The following PHACTR1 variants were observed in gnomAD, a reference collection of about 807,000 sequenced individuals.
PHACTR1 encodes the protein phosphatase and actin regulator 1, also known as RPEL repeat containing 1.
A neutral mutation model predicts 69.2 loss-of-function variants in PHACTR1; 16 were observed. That is an observed-to-expected ratio of 0.23 (90% confidence interval 0.16 to 0.35). The LOEUF is 0.35. PHACTR1 is among the 10% of genes least tolerant of loss of function. The probability of loss-of-function intolerance (pLI) is 1.00; values close to 1 mark genes in which losing one functional copy is unlikely to be tolerated. For synonymous variants in PHACTR1, 312 were observed against 284.5 expected, an observed-to-expected ratio of 1.10 and a Z score of -0.97; for missense variants, 510 against 734.7, an observed-to-expected ratio of 0.69 and a Z score of 3.54.
intron 5 of PHACTR1, among the ~76,000 whole-genome samples, chr6:13,155,661 G>A (rs1177319057): frequency 1.3e-5 from 2 of 152,256 alleles, no homozygotes; most frequent in Non-Finnish European, 2.9e-5. Flanking sequence ...AGGCCAAGGC[G>A]GGCAGATCAT....
chr6:13,136,046 A>C (rs1821494502), intron 5 of PHACTR1, among the ~76,000 whole-genome samples: 1 of 152,170 alleles, frequency 6.6e-6, no homozygotes, highest in Admixed American at 6.5e-5. Flanking sequence ...TAAAAGTGAG[A>C]TTATAGCTGC....
chr6:12,928,549 G>A (rs892203962), intron 4 of PHACTR1, among the ~76,000 whole-genome samples: 1 of 152,330 alleles, frequency 6.6e-6, no homozygotes, highest in African/African-American at 2.4e-5. Flanking sequence ...AGTTCACAGA[G>A]TATTTGCATC....
At chr6:13,089,185 C>T (rs1812802598) in intron 5 of PHACTR1, among the ~76,000 whole-genome samples, 1 of 152,180 alleles carries the variant, frequency 6.6e-6, no homozygotes, top group Non-Finnish European at 1.5e-5. Flanking sequence ...TCTTCCTGCC[C>T]TGGGCCCATC....
chr6:12,996,282 A>C (rs918955835), intron 4 of PHACTR1, among the ~76,000 whole-genome samples: 7 of 152,178 alleles, frequency 4.6e-5, no homozygotes, highest in Non-Finnish European at 1.0e-4. Context: ...AAAGAAAACA[A>C]AAACTTTCTT....
chr6:12,745,914 C>T (rs1287226638), intron 3 of PHACTR1, among the ~76,000 whole-genome samples: 1 of 152,130 alleles, frequency 6.6e-6, no homozygotes. Flanking sequence ...GTGGCACCCA[C>T]CATCTTGATG....
At chr6:13,210,848 G>C (rs1766703458) in intron 8 of PHACTR1, among the ~76,000 whole-genome samples, 1 of 148,682 alleles carries the variant, frequency 6.7e-6, no homozygotes, top group Non-Finnish European at 1.5e-5. Flanking sequence ...CCTCAAATTA[G>C]ATTATCTTCA....
intron 4 of PHACTR1, among the ~76,000 whole-genome samples, chr6:13,001,920 T>C (rs2127625050): frequency 6.6e-6 from 1 of 152,364 alleles, no homozygotes; most frequent in South Asian, 2.1e-4. Flanking sequence ...ATATGGATAG[T>C]AGTATCAACC....
Position 13,229,641 on chromosome 6 carries a change from C to T in PHACTR1, c.1235-396C>T, listed in dbSNP as rs566740755. Among the ~76,000 whole-genome samples, 3 of 152,308 alleles carry T rather than the reference C, an allele frequency of 2.0e-5. No homozygotes were observed. In the East Asian group the frequency reaches 5.8e-4, roughly 29 times the overall value. On this transcript the variant is annotated intron_variant, in intron 9 of 14. Transcript: ENST00000332995. ...GACACAGATCCCCGCCCACCTGCTG[C>T]CTGTTGGACTCTCATCTCTGCTTCA...
chr6:13,209,763 A>C (rs1436047623), intron 8 of PHACTR1, among the ~76,000 whole-genome samples: 1 of 152,192 alleles, frequency 6.6e-6, no homozygotes, highest in African/African-American at 2.4e-5. Context: ...AGCCTGCTTC[A>C]TTGTCAAGAA....
intron 5 of PHACTR1, 59 bp downstream of exon 5, chr6:13,053,588 CT>C: frequency 6.5e-7 from 1 of 1,550,030 alleles, no homozygotes; most frequent in South Asian, 1.2e-5. Flanking sequence ...ACTCTATTAT[CT>C]TAACAGAATT....
chr6:13,030,220 C>T (rs879658502), intron 4 of PHACTR1, among the ~76,000 whole-genome samples: 45 of 105,224 alleles, frequency 4.3e-4, no homozygotes, highest in Non-Finnish European at 7.3e-4. Context: ...GTGCAACAGA[C>T]GTTTTATTTG....
chr6:12,798,306 C>G (rs1773318902), intron 4 of PHACTR1, among the ~76,000 whole-genome samples: 1 of 152,062 alleles, frequency 6.6e-6, no homozygotes, highest in African/African-American at 2.4e-5. Flanking sequence ...GGGGAGATCT[C>G]TCCAATATAA....
intron 4 of PHACTR1, among the ~76,000 whole-genome samples, chr6:12,797,040 T>TGTGTGTGTGTGTGTGAGAGA (rs563796658): frequency 4.5e-5 from 6 of 133,394 alleles, no homozygotes; most frequent in African/African-American, 1.7e-4. Flanking sequence ...TGTGTGTGTG[T>TGTGTGTGTGTGTGTGAGAGA]GAGAGAGAGA....
chr6:13,190,371 A>G (rs1763408059), intron 7 of PHACTR1, among the ~76,000 whole-genome samples: 1 of 151,700 alleles, frequency 6.6e-6, no homozygotes, highest in Middle Eastern at 3.4e-3. Flanking sequence ...ATCTTATCAT[A>G]TTAGGGTTCC....
intron 4 of PHACTR1, among the ~76,000 whole-genome samples, chr6:12,762,906 C>G (rs145389880): frequency 6.6e-6 from 1 of 152,140 alleles, no homozygotes; most frequent in African/African-American, 2.4e-5. Context: ...AACCACGTCA[C>G]GACTTGTTTC....
intron 5 of PHACTR1, among the ~76,000 whole-genome samples, chr6:13,103,129 A>G (rs1284851659): frequency 3.3e-5 from 5 of 152,254 alleles, no homozygotes; most frequent in Admixed American, 2.0e-4. Flanking sequence ...GTTTGTCGCA[A>G]ATGTGGCTTG....
At position 12,749,667 on chromosome 6, in the gene PHACTR1, C is replaced by G; in HGVS notation, c.127C>G (p.Pro43Ala). ...AQARRATLLLPPTLMAASSED... is the reference protein window; with the variant it reads ...AQARRATLLLAPTLMAASSED... ...AGCTCGCCGGGCGACCCTGCTCCTGCCTCCCACATTAATGGCGGCATCCTC... is the reference window on the plus strand; with the variant it reads ...AGCTCGCCGGGCGACCCTGCTCCTGGCTCCCACATTAATGGCGGCATCCTC... The change falls in exon 4 of 15, where the codon CCT becomes GCT. Residue 43 changes from proline (P) to alanine (A), a missense_variant. Physicochemically the swap from Pro to Ala is conservative, Grantham distance 27. This residue lies in a region of PHACTR1 where 419 missense variants were observed against 530.9 expected (regional missense o/e 0.79). Coordinates refer to ENST00000332995, the MANE Select transcript of PHACTR1 (RefSeq NM_030948.6). 6.2e-7 allele frequency: 1 copy of G among 1,611,726 alleles called. No individual in the cohort carries two copies. The highest frequency in any genetic ancestry group is 8.5e-7 in the Non-Finnish European group (1 of 1,179,416).
chr6:13,055,202 A>G (rs1806583579), intron 5 of PHACTR1, among the ~76,000 whole-genome samples: 1 of 152,168 alleles, frequency 6.6e-6, no homozygotes. Flanking sequence ...ATAAGAATGA[A>G]TCTCTGAATT....
At chr6:13,107,387 T>A (rs915688344) in intron 5 of PHACTR1, among the ~76,000 whole-genome samples, 3 of 152,200 alleles carry the variant, frequency 2.0e-5, no homozygotes, top group African/African-American at 7.2e-5. Context: ...GCTGGGATTA[T>A]AGGTGTGAGC....
Sources: gnomAD v4.1 joint callset for allele counts (sites outside exome capture counted in the v4.1 genomes callset) on GRCh38, gnomAD v4.1.1 for gene constraint, gnomAD v4.1.1 regional missense constraint, MANE v1.5 for transcripts, NCBI Gene and HGNC (gene_info 2026-07-23, HGNC 2026-07-21) for gene names.